The following ADGRB3 variants were observed in gnomAD, a reference collection of about 807,000 sequenced individuals.
ADGRB3 encodes brain-specific angiogenesis inhibitor 3.
A neutral mutation model predicts 193.4 loss-of-function variants in ADGRB3; 37 were observed. The ratio of observed to expected loss-of-function variants is 0.19; its 90% confidence interval spans 0.15 to 0.25. The LOEUF (loss-of-function observed/expected upper bound fraction) is 0.25, where lower values mean the gene tolerates loss of function less well. ADGRB3 is among the 10% of genes least tolerant of loss of function. The probability of loss-of-function intolerance (pLI) is 1.00; values close to 1 mark genes in which losing one functional copy is unlikely to be tolerated. For synonymous variants in ADGRB3, 690 were observed against 644.2 expected, an observed-to-expected ratio of 1.07 and a Z score of -1.08; for missense variants, 1,637 against 1,852.9, an observed-to-expected ratio of 0.88 and a Z score of 2.14.
chr6:68,984,270 G>A (rs1394215716), intron 10 of ADGRB3, among the ~76,000 whole-genome samples: 1 of 152,146 alleles, frequency 6.6e-6, no homozygotes, highest in Non-Finnish European at 1.5e-5. Flanking sequence ...ATCCAGACGA[G>A]AGATGATGGT....
intron 11 of ADGRB3, among the ~76,000 whole-genome samples, chr6:68,999,996 T>TC (rs1295753733): frequency 1.3e-5 from 2 of 152,190 alleles, no homozygotes; most frequent in Non-Finnish European, 2.9e-5. Context: ...TACTTTTTTT[T>TC]CACCACTGAA....
At chr6:69,191,422 G>A (rs1160750710) in intron 17 of ADGRB3, among the ~76,000 whole-genome samples, 1 of 152,098 alleles carries the variant, frequency 6.6e-6, no homozygotes, top group Non-Finnish European at 1.5e-5. Flanking sequence ...TTTAATTAGT[G>A]TTAATATTAA....
intron 24 of ADGRB3, among the ~76,000 whole-genome samples, chr6:69,336,661 C>T (rs866927933): frequency 6.6e-6 from 1 of 151,778 alleles, no homozygotes. Flanking sequence ...ACCCTGGTGC[C>T]CTGGTGGGTA....
chr6:68,846,124 C>G (rs1431374820), intron 3 of ADGRB3, among the ~76,000 whole-genome samples: 1 of 152,084 alleles, frequency 6.6e-6, no homozygotes, highest in East Asian at 1.9e-4. Flanking sequence ...AGCATTTTGC[C>G]CCTGCCCTAG....
intron 11 of ADGRB3, among the ~76,000 whole-genome samples, chr6:69,011,310 A>T (rs909766292): frequency 1.3e-5 from 2 of 151,974 alleles, no homozygotes; most frequent in Non-Finnish European, 2.9e-5. Context: ...AAAGAATGAA[A>T]TCATGCCCTG....
chr6:69,151,136 CA>C (rs1774666807), intron 17 of ADGRB3, among the ~76,000 whole-genome samples: 1 of 152,214 alleles, frequency 6.6e-6, no homozygotes, highest in African/African-American at 2.4e-5. Flanking sequence ...TTGCATGCCC[CA>C]CCAAGTCCAC....
rs116621994 is a variant in ADGRB3 at position 69,317,266 on chromosome 6, C to T, written c.2815-7606C>T. On this transcript the variant is annotated intron_variant, in intron 20 of 31. Transcript: ENST00000370598. ...TGAACCAGTATATGAGAGTTTTTTC[C>T]CTTTGGGGGAGAATATTAATCTCTG... 4.7e-3 allele frequency among the ~76,000 whole-genome samples: 716 copies of T among 151,318 alleles called. 6 individuals carry two copies. The highest frequency in any genetic ancestry group is 0.017 in the African/African-American group (684 of 41,392).
intron 17 of ADGRB3, among the ~76,000 whole-genome samples, chr6:69,110,180 T>G (rs908066354): frequency 9.9e-5 from 15 of 152,094 alleles, no homozygotes; most frequent in African/African-American, 3.4e-4. Context: ...ACTCCTGACC[T>G]TGTAATCCAC....
intron 3 of ADGRB3, among the ~76,000 whole-genome samples, chr6:68,805,817 A>G (rs1184184052): frequency 6.6e-6 from 1 of 152,242 alleles, no homozygotes; most frequent in African/African-American, 2.4e-5. Flanking sequence ...ATTCCATTAT[A>G]TTTCCTATGT....
At chr6:68,889,988 G>A (rs1766028007) in intron 3 of ADGRB3, among the ~76,000 whole-genome samples, 1 of 151,912 alleles carries the variant, frequency 6.6e-6, no homozygotes, top group Non-Finnish European at 1.5e-5. Context: ...TCTATACATG[G>A]CCAACAATTA....
At chr6:69,274,475 T>TCCTTTCCTTCCTTCCTTCCTC (rs1057078353) in intron 20 of ADGRB3, among the ~76,000 whole-genome samples, 1 of 115,920 alleles carries the variant, frequency 8.6e-6, no homozygotes, top group Admixed American at 8.9e-5. Flanking sequence ...CTTCCTTCCT[T>TCCTTTCCTTCCTTCCTTCCTC]CCTCCCTCCC....
At chr6:68,997,226 A>G (rs1451807018) in intron 11 of ADGRB3, among the ~76,000 whole-genome samples, 2 of 152,180 alleles carry the variant, frequency 1.3e-5, no homozygotes, top group Non-Finnish European at 2.9e-5. Flanking sequence ...ATGTACTCCA[A>G]TAAACATACA....
intron 3 of ADGRB3, among the ~76,000 whole-genome samples, chr6:68,652,525 G>A (rs535668821): frequency 6.6e-6 from 1 of 151,986 alleles, no homozygotes; most frequent in East Asian, 1.9e-4. Flanking sequence ...TCCACCCTGG[G>A]CTCCCAAACA....
At chr6:69,010,421 C>T (rs1769897231) in intron 11 of ADGRB3, among the ~76,000 whole-genome samples, 1 of 151,910 alleles carries the variant, frequency 6.6e-6, no homozygotes, top group Admixed American at 6.6e-5. Context: ...GCGTATTTGC[C>T]ATAATGCGGC....
rs1325616615 is a variant in ADGRB3 at position 68,956,035 on chromosome 6, T to C, written c.1207T>C (p.Trp403Arg). The C allele has an allele frequency of 1.2e-6, 2 of 1,613,190 alleles. No individual in the cohort carries two copies. The highest frequency in any genetic ancestry group is 2.7e-5 in the African/African-American group (2 of 74,878). ...NIALCPVDGQ[W>R]QEWSSWSQCS... Reference sequence around the variant, plus strand: ...TTCTGCTTTGGTAGTTGATGGACAGTGGCAAGAGTGGAGTTCGTGGAGCCA... The same window carrying C: ...TTCTGCTTTGGTAGTTGATGGACAGCGGCAAGAGTGGAGTTCGTGGAGCCA... The change falls in exon 7 of 32, where the codon TGG (tryptophan) becomes CGG (arginine). Residue 403 changes from tryptophan (W) to arginine (R), a missense_variant. Physicochemically the swap from Trp to Arg is moderately radical, Grantham distance 101. Transcript: ENST00000370598.
chr6:69,283,822 G>A (rs1050514965), intron 20 of ADGRB3, among the ~76,000 whole-genome samples: 1 of 152,116 alleles, frequency 6.6e-6, no homozygotes, highest in Non-Finnish European at 1.5e-5. Flanking sequence ...TGCGGCATTA[G>A]CATTTTGAAC....
At chr6:68,843,769 A>T (rs921991112) in intron 3 of ADGRB3, among the ~76,000 whole-genome samples, 4 of 152,136 alleles carry the variant, frequency 2.6e-5, no homozygotes, top group Non-Finnish European at 4.4e-5. Context: ...CTGACTTCAA[A>T]TTAAACTACA....
intron 3 of ADGRB3, among the ~76,000 whole-genome samples, chr6:68,879,142 C>T (rs937884867): frequency 7.3e-5 from 11 of 150,304 alleles, no homozygotes; most frequent in African/African-American, 2.5e-4. Context: ...GCTTGAATGT[C>T]TGGAAATAGG....
chr6:68,870,134 G>A (rs954239289), intron 3 of ADGRB3, among the ~76,000 whole-genome samples: 3 of 152,258 alleles, frequency 2.0e-5, no homozygotes, highest in Non-Finnish European at 4.4e-5. Context: ...AATATAGTTA[G>A]CCACATGATT....
Sources: gnomAD v4.1 joint callset for allele counts (sites outside exome capture counted in the v4.1 genomes callset) on GRCh38, gnomAD v4.1.1 for gene constraint, MANE v1.5 for transcripts, NCBI Gene and HGNC (gene_info 2026-07-23, HGNC 2026-07-21) for gene names.